The following RP1 variants were observed in gnomAD, a reference collection of about 807,000 sequenced individuals.
The protein encoded by RP1 is RP1 axonemal microtubule associated.
RP1 carries 16 observed loss-of-function variants against 14.8 expected under a neutral mutation model. The ratio of observed to expected loss-of-function variants is 1.08; its 90% CI spans 0.73 to 1.65. The LOEUF (loss-of-function observed/expected upper bound fraction) is 1.65, where lower values mean the gene tolerates loss of function less well. Among genes scored for constraint, RP1 ranks in the 40% most tolerant of loss-of-function variants. The pLI is 0.00. For synonymous variants in RP1, 876 were observed against 883.6 expected, an observed-to-expected ratio of 0.99 and a Z score of 0.15; for missense variants, 2,631 against 2,535.0, an observed-to-expected ratio of 1.04 and a Z score of -0.81.
intron 16 of RP1, among the ~76,000 whole-genome samples, chr8:54,721,196 T>C (rs763248100): frequency 8.5e-5 from 13 of 152,230 alleles, no homozygotes; most frequent in Admixed American, 3.9e-4. Flanking sequence ...AGCCTTTAGT[T>C]GCTTTTTTAA....
At chr8:54,788,873 G>C (rs1810392345) in intron 24 of RP1, among the ~76,000 whole-genome samples, 1 of 152,142 alleles carries the variant, frequency 6.6e-6, no homozygotes, top group South Asian at 2.1e-4. Flanking sequence ...GAAAATCCCA[G>C]AAACTGGGGG....
intron 26 of RP1, among the ~76,000 whole-genome samples, chr8:54,856,164 T>A (rs1206856311): frequency 6.6e-6 from 1 of 152,172 alleles, no homozygotes. Flanking sequence ...CATGGATGAA[T>A]CTCACGTTGA....
intron 3 of RP1, 27 bp from the exon 4 acceptor site, chr8:54,624,643 C>T (rs1160388920): frequency 8.1e-6 from 13 of 1,611,432 alleles, no homozygotes; most frequent in African/African-American, 1.3e-5. Flanking sequence ...TTGATGTGGG[C>T]ACCTTTTACT....
intron 15 of RP1, among the ~76,000 whole-genome samples, chr8:54,709,107 C>T (rs959527328): frequency 1.3e-5 from 2 of 152,196 alleles, no homozygotes; most frequent in Non-Finnish European, 1.5e-5. Context: ...TTCCTAAGGC[C>T]CCATTGTGGA....
intron 19 of RP1, among the ~76,000 whole-genome samples, chr8:54,740,017 C>T (rs2129358748): frequency 6.6e-6 from 1 of 150,978 alleles, no homozygotes; most frequent in East Asian, 1.9e-4. Context: ...ATGTAAGCAA[C>T]TGTTACTGGG....
At chr8:54,758,929 A>C (rs1439462254) in exon 22 of RP1, 31 of 1,535,524 alleles carry the variant, frequency 2.0e-5, no homozygotes, top group Non-Finnish European at 2.7e-5. Context: ...CAGATTGATA[A>C]ATTTCAAGTA....
At chr8:54,624,325 G>A (rs62514616) in intron 3 of RP1, among the ~76,000 whole-genome samples, 50,150 of 150,808 alleles carry the variant, frequency 0.33, 9,143 homozygotes, top group Middle Eastern at 0.47. Context: ...CGGGCCTGTA[G>A]TCCCAGCTAT....
chr8:54,720,181 C>T (rs985834164), exon 16 of RP1: 6 of 1,535,428 alleles, frequency 3.9e-6, no homozygotes, highest in Non-Finnish European at 5.2e-6. Flanking sequence ...TTGAAGAATG[C>T]ATCCATAAGC....
chr8:54,852,586 A>G (rs1202983505), exon 26 of RP1: 10 of 1,231,772 alleles, frequency 8.1e-6, no homozygotes, highest in Non-Finnish European at 1.0e-5. Context: ...GTGCTTTATG[A>G]GATTCGCATA....
intron 19 of RP1, among the ~76,000 whole-genome samples, chr8:54,740,152 T>C (rs1000034715): frequency 2.0e-5 from 3 of 149,914 alleles, no homozygotes; most frequent in East Asian, 3.9e-4. Context: ...ATTATACTTA[T>C]ATTAACTCAT....
Position 54,628,244 on chromosome 8 carries a change from C to A in RP1, c.4362C>A (p.Ser1454Arg), listed in dbSNP as rs1806135810. The A allele has an allele frequency of 6.2e-7, 1 of 1,613,832 alleles. No individual in the cohort carries two copies. Among genetic ancestry groups the A allele is most frequent in the African/African-American group, 1.3e-5 (1 of 74,920 alleles). The change falls in exon 4 of 4, where the codon AGC (serine) becomes AGA (arginine). Residue 1454 changes from serine to arginine, a missense_variant. By Grantham distance (110) the Ser-to-Arg change is moderately radical. Coordinates refer to ENST00000220676, the MANE Select transcript of RP1 (RefSeq NM_006269.2). ...AAGAACCAGGCTCAATAACCAACAGCATGACATCAAGTGAAAGAAACATTT... is the reference window on the plus strand; with the variant it reads ...AAGAACCAGGCTCAATAACCAACAGAATGACATCAAGTGAAAGAAACATTT... The part of the protein sequence containing the change: ...TSEEPGSITN[S>R]MTSSERNISE...
At chr8:54,567,499 C>CTT (rs1163863928) in intron 1 of RP1, among the ~76,000 whole-genome samples, 1 of 152,048 alleles carries the variant, frequency 6.6e-6, no homozygotes. Context: ...GCTTCTAGAA[C>CTT]TTTATTTTTT....
intron 1 of RP1, among the ~76,000 whole-genome samples, chr8:54,602,267 A>G (rs900752476): frequency 6.6e-6 from 1 of 151,966 alleles, no homozygotes; most frequent in Admixed American, 6.6e-5. Context: ...ATTACCACCT[A>G]TGAGTGAGAA....
At chr8:54,565,265 T>C (rs948881555) in intron 1 of RP1, among the ~76,000 whole-genome samples, 1 of 152,166 alleles carries the variant, frequency 6.6e-6, no homozygotes, top group Non-Finnish European at 1.5e-5. Flanking sequence ...GAACAGCAAG[T>C]AGCAAAACCT....
intron 14 of RP1, among the ~76,000 whole-genome samples, chr8:54,704,983 T>G (rs183592732): frequency 6.6e-6 from 1 of 152,326 alleles, no homozygotes. Context: ...CTTAGAAAAT[T>G]AAAAATTGAA....
Position 54,621,111 on chromosome 8 carries a change from G to C in RP1, c.145G>C (p.Gly49Arg), listed in dbSNP as rs374931762. The C allele has an allele frequency of 1.2e-6, 2 of 1,613,992 alleles. No individual in the cohort carries two copies. Among genetic ancestry groups the C allele is most frequent in the African/African-American group, 2.7e-5 (2 of 74,898 alleles). ...CTACAAGAGCGGAGACCCCCAATTC[G>C]GCGGGGTCAGGGTGGTGGTCAACCC... Reference protein sequence around the residue: ...SFYKSGDPQFGGVRVVVNPRS... With the variant: ...SFYKSGDPQFRGVRVVVNPRS... The change falls in exon 2 of 4, where the codon GGC becomes CGC. Residue 49 changes from glycine to arginine, a missense_variant. Gly to Arg is a moderately radical substitution (Grantham distance 125, BLOSUM62 -2). Transcript: ENST00000220676.
At chr8:54,826,098 A>C (rs1347555413) in intron 24 of RP1, among the ~76,000 whole-genome samples, 1 of 152,154 alleles carries the variant, frequency 6.6e-6, no homozygotes, top group African/African-American at 2.4e-5. Flanking sequence ...AAGCAAAAAA[A>C]GTTGTAATAA....
In RP1 at chr8:54,691,638, A is replaced by G. The variant is rs142714058; in HGVS notation, c.1718-7829A>G. Among the ~76,000 whole-genome samples, 338 of 152,128 alleles carry G rather than the reference A, an allele frequency of 2.2e-3. 1 individual carries two copies. Among genetic ancestry groups the G allele is most frequent in the African/African-American group, 7.5e-3 (312 of 41,530 alleles). Reference sequence around the variant, plus strand: ...AAGAAGAGGCATGAGAACGGTAGTCATTTAAAGATAGAACCCTAGGAACAC... The same window carrying G: ...AAGAAGAGGCATGAGAACGGTAGTCGTTTAAAGATAGAACCCTAGGAACAC... On this transcript the variant is annotated intron_variant, in intron 12 of 22. Coordinates refer to the RP1 transcript ENST00000636932.
chr8:54,613,941 T>C (rs1048734449), upstream of RP1, among the ~76,000 whole-genome samples: 7 of 152,346 alleles, frequency 4.6e-5, no homozygotes, highest in South Asian at 2.1e-4. Flanking sequence ...GTGAGGATCA[T>C]GGAAGTGTGT....
Sources: allele counts gnomAD v4.1 joint callset (sites outside exome capture counted in the v4.1 genomes callset), GRCh38; gene constraint gnomAD v4.1.1; transcripts MANE v1.5; gene names NCBI Gene and HGNC (gene_info 2026-07-23, HGNC 2026-07-21).